Variants in TSPO observed in about 807,000 individuals in gnomAD.
TSPO encodes benzodiazepine peripheral binding site.
Under a neutral mutation model 13.9 loss-of-function variants are expected in TSPO, and 14 were observed. The ratio of observed to expected loss-of-function variants is 1.01; its 90% CI spans 0.67 to 1.58. The LOEUF (loss-of-function observed/expected upper bound fraction) is 1.58. Among genes scored for constraint, TSPO ranks in the 40% most tolerant of loss-of-function variants. The probability of loss-of-function intolerance (pLI) is 0.00; values close to 1 mark genes in which losing one functional copy is unlikely to be tolerated. For missense variants in TSPO, 232 were observed against 229.6 expected (o/e 1.01, Z -0.07); for synonymous variants, 114 against 105.9 (o/e 1.08, Z -0.47).
At chr22:43,156,978 C>G (rs941519688) in intron 1 of TSPO, among the ~76,000 whole-genome samples, 4 of 152,292 alleles carry the variant, frequency 2.6e-5, no homozygotes, top group African/African-American at 7.2e-5. Flanking sequence ...ATGGTTCCCC[C>G]ACAATGTCAC....
At chr22:43,159,147 G>A (rs945283054) in intron 1 of TSPO, 63 bp from the exon 2 acceptor site, 2 of 1,286,522 alleles carry the variant, frequency 1.6e-6, no homozygotes, top group East Asian at 2.9e-5. Flanking sequence ...GATGCTGGAG[G>A]AGACACGGGC....
intron 1 of TSPO, among the ~76,000 whole-genome samples, chr22:43,156,375 A>T (rs1444467662): frequency 6.6e-6 from 1 of 152,178 alleles, no homozygotes; most frequent in Non-Finnish European, 1.5e-5. Context: ...AGGTGACAGA[A>T]TCGTGGGGAG....
At position 43,159,228 on chromosome 22, in the gene TSPO, C is replaced by T. The variant is rs1321848944; in HGVS notation, c.-11C>T. The T allele has an allele frequency of 1.3e-6, 2 of 1,535,322 alleles. No homozygotes were observed. Among genetic ancestry groups the T allele is most frequent in the Non-Finnish European group, 1.8e-6 (2 of 1,139,402 alleles). Reference sequence around the variant, plus strand: ...CTTTCAGAGCTCCCCTGAACAGCAGCTGCAGCAGCCATGGCCCCGCCCTGG... The same window carrying T: ...CTTTCAGAGCTCCCCTGAACAGCAGTTGCAGCAGCCATGGCCCCGCCCTGG... On this transcript the variant is annotated 5_prime_UTR_variant, in exon 2 of 4. Transcript: ENST00000337554.
chr22:43,162,751 G>A, intron 3 of TSPO, 52 bp from the exon 4 acceptor site: 2 of 1,479,830 alleles, frequency 1.4e-6, no homozygotes, highest in Admixed American at 2.3e-5. Flanking sequence ...CAGGCACTTG[G>A]GTGAACGCGG....
At position 43,159,210 on chromosome 22, in the gene TSPO, A is replaced by C; in HGVS notation, c.-29A>C. Reference sequence around the variant, plus strand: ...CACCCAGCCCTGTCTTCTCTTTCAGAGCTCCCCTGAACAGCAGCTGCAGCA... The same window carrying C: ...CACCCAGCCCTGTCTTCTCTTTCAGCGCTCCCCTGAACAGCAGCTGCAGCA... On this transcript the variant is annotated splice_region_variant and 5_prime_UTR_variant, in exon 2 of 4. Transcript: ENST00000337554. 2 of 1,501,762 alleles carry C rather than the reference A, an allele frequency of 1.3e-6. No homozygotes were observed. The highest frequency in any genetic ancestry group is 1.8e-6 in the Non-Finnish European group (2 of 1,120,774). 93.0% of individuals were successfully genotyped at this position (1,501,762 alleles called of 1,614,324 possible).
intron 3 of TSPO, 87 bp downstream of exon 3, chr22:43,161,277 C>T: frequency 1.3e-6 from 2 of 1,521,586 alleles, no homozygotes; most frequent in Non-Finnish European, 8.8e-7. Flanking sequence ...GGGTCAGTGT[C>T]TATAGGCGGG....
intron 2 of TSPO, 66 bp from the exon 3 acceptor site, chr22:43,160,986 C>T: frequency 6.4e-7 from 1 of 1,551,842 alleles, no homozygotes; most frequent in African/African-American, 1.4e-5. Flanking sequence ...CACTGTGCCA[C>T]TCGGAGGTGG....
rs1555976494 is a variant in TSPO at position 43,153,109 on chromosome 22, C to CCCACCCCT, written c.-30+1505_-30+1506insCCACCCCT. 2.0e-3 allele frequency among the ~76,000 whole-genome samples: 262 copies of CCCACCCCT among 130,652 alleles called. 2 individuals are homozygous for CCCACCCCT. The highest frequency in any genetic ancestry group is 3.3e-3 in the African/African-American group (107 of 32,810). The allele number at this position is 130,652 out of a possible 152,430, so 85.7% of individuals were successfully genotyped here. ...CTTTCCTTCCTTCCTTCTTTCCTTTCTCTTTCTCTTTTTTTCTTTCTTCCC... is the reference window on the plus strand; with the variant it reads ...CTTTCCTTCCTTCCTTCTTTCCTTTCCCACCCCTTCTTTCTCTTTTTTTCTTTCTTCCC... On this transcript the variant is annotated intron_variant, in intron 1 of 3. Coordinates refer to ENST00000337554, the MANE Select transcript of TSPO (RefSeq NM_000714.6).
intron 3 of TSPO, 95 bp downstream of exon 3, chr22:43,161,285 G>A (rs1931429686): frequency 6.0e-6 from 9 of 1,494,814 alleles, no homozygotes; most frequent in South Asian, 2.7e-5. Flanking sequence ...GTCTATAGGC[G>A]GGGCCAGGGG....
intron 2 of TSPO, among the ~76,000 whole-genome samples, chr22:43,160,332 A>T (rs192572690): frequency 1.3e-5 from 2 of 152,306 alleles, no homozygotes; most frequent in East Asian, 3.9e-4. Context: ...AGTAGGTGAC[A>T]GCCGGGGCTC....
In TSPO at chr22:43,157,530, C is replaced by A. The variant is rs190684432; in HGVS notation, c.-29-1680C>A. ...ACCGGAATCTGCTGGATGCCTGACA[C>A]TCTGTTCCTTTAAAACGTGCCGGGC... On this transcript the variant is annotated intron_variant, in intron 1 of 3. Coordinates refer to ENST00000337554, the MANE Select transcript of TSPO (RefSeq NM_000714.6). 1.4e-4 allele frequency among the ~76,000 whole-genome samples: 21 copies of A among 152,252 alleles called. No homozygotes were observed. In the Middle Eastern group the frequency reaches 0.01, roughly 74 times the overall value.
At chr22:43,162,758 G>T in intron 3 of TSPO, 45 bp from the exon 4 acceptor site, 1 of 1,489,026 alleles carries the variant, frequency 6.7e-7, no homozygotes, top group Non-Finnish European at 9.0e-7. Context: ...TTGGGTGAAC[G>T]CGGTGCCTCA....
chr22:43,159,978 G>C (rs780876845), intron 2 of TSPO, among the ~76,000 whole-genome samples: 4 of 152,152 alleles, frequency 2.6e-5, no homozygotes, highest in Non-Finnish European at 5.9e-5. Context: ...CTGTAGCGGG[G>C]ACCACACCCA....
rs190689117 is a variant in TSPO at position 43,157,418 on chromosome 22, G to A, written c.-29-1792G>A. 3.9e-5 allele frequency among the ~76,000 whole-genome samples: 6 copies of A among 152,210 alleles called. 1 individual carries two copies. In the South Asian group the frequency reaches 1.0e-3, roughly 26 times the overall value. Reference sequence around the variant, plus strand: ...CATCCTTACTGCTCATTTTTGCAGCGACCTTGGGGGATGGGGTAACTGTCC... The same window carrying A: ...CATCCTTACTGCTCATTTTTGCAGCAACCTTGGGGGATGGGGTAACTGTCC... On this transcript the variant is annotated intron_variant, in intron 1 of 3. Coordinates refer to ENST00000337554, the MANE Select transcript of TSPO (RefSeq NM_000714.6).
intron 2 of TSPO, among the ~76,000 whole-genome samples, chr22:43,160,554 C>T (rs142835562): frequency 1.8e-4 from 27 of 152,296 alleles, no homozygotes; most frequent in East Asian, 1.4e-3. Flanking sequence ...GTGGTGTTAT[C>T]GTTGCCCTGT....
chr22:43,159,491 G>T, intron 2 of TSPO, 71 bp downstream of exon 2: 2 of 1,342,594 alleles, frequency 1.5e-6, no homozygotes, highest in Non-Finnish European at 1.9e-6. Context: ...CAGGACAGAG[G>T]GTCTTCTCCA....
chr22:43,159,020 A>G (rs138913), intron 1 of TSPO, among the ~76,000 whole-genome samples, 190 bp from the exon 2 acceptor site: 105,345 of 151,934 alleles, frequency 0.69, 37,039 homozygotes, highest in African/African-American at 0.75. Context: ...AGGTGAGGCG[A>G]GGCAGCTGGG....
rs1931514280 is a variant in TSPO, at chr22:43,163,218, T to C, written c.*227T>C. 5 of 1,355,564 alleles carry C rather than the reference T, an allele frequency of 3.7e-6. No homozygotes were observed. The highest frequency in any genetic ancestry group is 5.2e-5 in the East Asian group (2 of 38,442). 84.0% of individuals were successfully genotyped at this position (1,355,564 alleles called of 1,614,324 possible). On this transcript the variant is annotated 3_prime_UTR_variant, in exon 4 of 4. Transcript: ENST00000337554. ...TCTTGGAACATGGAATTTTATAAGC[T>C]GAATAAAGTTTTTGACTTCCTTTAC...
At chr22:43,156,875 G>A (rs1464664278) in intron 1 of TSPO, among the ~76,000 whole-genome samples, 2 of 152,204 alleles carry the variant, frequency 1.3e-5, no homozygotes, top group Non-Finnish European at 2.9e-5. Context: ...TTAGTGTGGG[G>A]CAGGTGGGCC....
Sources: gnomAD v4.1 joint callset for allele counts (sites outside exome capture counted in the v4.1 genomes callset) on GRCh38, gnomAD v4.1.1 for gene constraint, MANE v1.5 for transcripts, NCBI Gene and HGNC (gene_info 2026-07-23, HGNC 2026-07-21) for gene names.